CYP2C19: variants seen among roughly 807,000 people sequenced by gnomAD.
CYP2C19 encodes cytochrome P450 2C19.
In CYP2C19, 59 loss-of-function variants were observed where a neutral mutation model predicts 40.9. The ratio of observed to expected loss-of-function variants is 1.44; its 90% confidence interval spans 1.17 to 1.79. The LOEUF is 1.79. Among genes scored for constraint, CYP2C19 ranks in the 40% most tolerant of loss-of-function variants. CYP2C19 has a pLI of 0.00. For synonymous variants in CYP2C19, 253 were observed against 208.7 expected (o/e 1.21, Z -1.83); for missense variants, 754 against 596.9 (o/e 1.26, Z -2.74).
chr10:94,827,456 G>T (rs1348092198), intron 6 of CYP2C19, among the ~76,000 whole-genome samples: 5 of 152,036 alleles, frequency 3.3e-5, no homozygotes, highest in Non-Finnish European at 7.4e-5. Flanking sequence ...GCATAGAGGT[G>T]TTTGTAGTAT....
rs759965953 is a variant in CYP2C19, at chr10:94,775,908, G to C, written c.481+369G>C. On this transcript the variant is annotated intron_variant, in intron 3 of 8. Transcript: ENST00000371321. ...CATGTCACCAGAGAATACTTGACAA[G>C]TGGACATGGTGGAAATGGCCCTATC... The C allele has an allele frequency of 5.0e-4, 149 of 296,194 alleles. 2 individuals carry two copies. The highest frequency in any genetic ancestry group is 1.1e-3 in the Middle Eastern group (1 of 892). 18.3% of individuals were successfully genotyped at this position (296,194 alleles called of 1,614,324 possible). A position where few individuals can be genotyped will look rare whatever the true frequency, so the allele number is the denominator to read the frequency against.
At chr10:94,805,328 C>T (rs1051628049) in intron 5 of CYP2C19, among the ~76,000 whole-genome samples, 6 of 151,852 alleles carry the variant, frequency 4.0e-5, no homozygotes, top group African/African-American at 1.2e-4. Flanking sequence ...CTCTTTTATT[C>T]TAATATGGTG....
chr10:94,817,240 G>C (rs1849020370), intron 5 of CYP2C19, among the ~76,000 whole-genome samples: 1 of 148,190 alleles, frequency 6.7e-6, no homozygotes, highest in Non-Finnish European at 1.5e-5. Context: ...TCCAGCACCT[G>C]TTGTTTCCTG....
intron 6 of CYP2C19, among the ~76,000 whole-genome samples, chr10:94,833,934 T>A (rs143758781): frequency 3.2e-4 from 49 of 152,332 alleles, no homozygotes; most frequent in Middle Eastern, 3.4e-3. Context: ...GCATCAGTAT[T>A]CATCAGGTGT....
chr10:94,836,889 A>T (rs1424660485), intron 6 of CYP2C19, among the ~76,000 whole-genome samples: 1 of 152,202 alleles, frequency 6.6e-6, no homozygotes, highest in Non-Finnish European at 1.5e-5. Flanking sequence ...GTGTCCAGGT[A>T]TGAGAATTGA....
At chr10:94,818,296 TGTAGTATAGTTTGAAGTCAG>T (rs1359106904) in intron 5 of CYP2C19, among the ~76,000 whole-genome samples, 1 of 149,536 alleles carries the variant, frequency 6.7e-6, no homozygotes, top group Non-Finnish European at 1.5e-5. Context: ...ACTGTAGCCT[TGTAGTATAGTTTGAAGTCAG>T]GTAGTGTGAT....
chr10:94,794,586 T>C (rs1280482365), intron 5 of CYP2C19, among the ~76,000 whole-genome samples: 2 of 152,144 alleles, frequency 1.3e-5, no homozygotes, highest in African/African-American at 2.4e-5. Flanking sequence ...TGTTGAGCAG[T>C]GGTTGGTAGT....
intron 5 of CYP2C19, among the ~76,000 whole-genome samples, chr10:94,820,102 A>G (rs1174712366): frequency 6.6e-6 from 1 of 151,660 alleles, no homozygotes. Flanking sequence ...AAATCAATAA[A>G]TGTAATCCAG....
At chr10:94,816,186 A>T (rs1848998844) in intron 5 of CYP2C19, among the ~76,000 whole-genome samples, 1 of 152,106 alleles carries the variant, frequency 6.6e-6, no homozygotes, top group African/African-American at 2.4e-5. Context: ...GGGGTAGGAA[A>T]TAAAGTTTGG....
At chr10:94,836,585 G>T (rs1223790960) in intron 6 of CYP2C19, among the ~76,000 whole-genome samples, 1 of 152,112 alleles carries the variant, frequency 6.6e-6, no homozygotes, top group African/African-American at 2.4e-5. Context: ...ACCATACCTG[G>T]GAATCCACAT....
intron 5 of CYP2C19, among the ~76,000 whole-genome samples, chr10:94,803,882 G>A (rs1224360126): frequency 2.0e-5 from 3 of 152,114 alleles, no homozygotes; most frequent in African/African-American, 7.2e-5. Flanking sequence ...TGCTTTGAAT[G>A]CCCTGAGATC....
chr10:94,847,698 T>A (rs550697297), intron 7 of CYP2C19, among the ~76,000 whole-genome samples: 13 of 152,302 alleles, frequency 8.5e-5, no homozygotes, highest in African/African-American at 3.1e-4. Context: ...CCACCAACAG[T>A]GTAAAACTGT....
intron 5 of CYP2C19, among the ~76,000 whole-genome samples, chr10:94,783,427 G>C (rs1439517768): frequency 2.0e-5 from 3 of 152,018 alleles, no homozygotes; most frequent in African/African-American, 7.2e-5. Context: ...GAAGAGGGAA[G>C]GCTTCATTGA....
chr10:94,787,574 C>T (rs1848559013), intron 5 of CYP2C19, among the ~76,000 whole-genome samples: 1 of 152,054 alleles, frequency 6.6e-6, no homozygotes, highest in South Asian at 2.1e-4. Flanking sequence ...TTTGCAAAAG[C>T]CTGTATCCAG....
chr10:94,798,640 C>G (rs1487634848), intron 5 of CYP2C19, among the ~76,000 whole-genome samples: 1 of 151,942 alleles, frequency 6.6e-6, no homozygotes. Flanking sequence ...CTTTGTAGGT[C>G]TCTAAGGACC....
chr10:94,816,873 C>T (rs1326512433), intron 5 of CYP2C19, among the ~76,000 whole-genome samples: 2 of 148,348 alleles, frequency 1.3e-5, no homozygotes, highest in South Asian at 2.2e-4. Context: ...ATGATGATTT[C>T]CAATTTCATC....
intron 6 of CYP2C19, among the ~76,000 whole-genome samples, chr10:94,840,582 C>T (rs1192190071): frequency 6.6e-6 from 1 of 152,158 alleles, no homozygotes; most frequent in Non-Finnish European, 1.5e-5. Flanking sequence ...AATTTTGGGG[C>T]TACACTTTAA....
intron 6 of CYP2C19, among the ~76,000 whole-genome samples, chr10:94,834,216 G>T (rs1216750555): frequency 2.0e-5 from 3 of 151,968 alleles, no homozygotes; most frequent in Admixed American, 6.5e-5. Flanking sequence ...TTTCTTCCTG[G>T]TTCAATCTCA....
intron 8 of CYP2C19, among the ~76,000 whole-genome samples, chr10:94,852,507 G>A (rs2134294820): frequency 6.6e-6 from 1 of 152,234 alleles, no homozygotes; most frequent in Non-Finnish European, 1.5e-5. Flanking sequence ...GAGTAAGCAT[G>A]TCCATTCATT....
Sources: gnomAD v4.1 joint callset for allele counts (sites outside exome capture counted in the v4.1 genomes callset) on GRCh38, gnomAD v4.1.1 for gene constraint, MANE v1.5 for transcripts, NCBI Gene and HGNC (gene_info 2026-07-23, HGNC 2026-07-21) for gene names.